MTHFD1L: variants seen among roughly 807,000 people sequenced by gnomAD.
MTHFD1L encodes methylenetetrahydrofolate dehydrogenase (NADP+ dependent) 1 like.
In MTHFD1L, 81 loss-of-function variants were observed where a neutral mutation model predicts 119.5. That is an observed-to-expected ratio of 0.68 (90% CI 0.57 to 0.82). The LOEUF is 0.82. Ranked by LOEUF, MTHFD1L falls within the 40% of genes least tolerant of loss-of-function variation. MTHFD1L has a pLI of 0.00. For missense variants in MTHFD1L, 1,125 were observed against 1,253.4 expected (o/e 0.90, Z 1.55); for synonymous variants, 430 against 475.2 (o/e 0.90, Z 1.24).
chr6:150,983,703 T>G (rs1031325494), intron 20 of MTHFD1L, among the ~76,000 whole-genome samples: 5 of 152,220 alleles, frequency 3.3e-5, no homozygotes, highest in African/African-American at 1.2e-4. Flanking sequence ...TTACGTTCAA[T>G]TCCAAGCAGT....
chr6:150,909,958 A>G (rs992045703), intron 8 of MTHFD1L, among the ~76,000 whole-genome samples: 28 of 152,104 alleles, frequency 1.8e-4, no homozygotes, highest in African/African-American at 6.5e-4. Context: ...AGGCCAGTGG[A>G]TCACTTGAAG....
intron 2 of MTHFD1L, among the ~76,000 whole-genome samples, chr6:150,876,949 ATAGAAAGAAAAT>A (rs1780555034): frequency 6.6e-6 from 1 of 152,236 alleles, no homozygotes; most frequent in African/African-American, 2.4e-5. Flanking sequence ...AGTTAGAACA[ATAGAAAGAAAAT>A]TAGATTAGGG....
At chr6:150,907,068 A>C (rs1024838878) in intron 8 of MTHFD1L, among the ~76,000 whole-genome samples, 2 of 150,052 alleles carry the variant, frequency 1.3e-5, no homozygotes, top group African/African-American at 4.9e-5. Flanking sequence ...TCCTCTGTTC[A>C]GCATCCCAGT....
At chr6:150,872,195 T>C (rs1779665569) in intron 1 of MTHFD1L, among the ~76,000 whole-genome samples, 1 of 152,118 alleles carries the variant, frequency 6.6e-6, no homozygotes, top group Non-Finnish European at 1.5e-5. Context: ...TGTTTTCTTA[T>C]CATTTGTGTA....
At chr6:150,964,036 G>A (rs992256906) in intron 18 of MTHFD1L, among the ~76,000 whole-genome samples, 1 of 152,212 alleles carries the variant, frequency 6.6e-6, no homozygotes, top group Admixed American at 6.5e-5. Flanking sequence ...GTGTGTGGTG[G>A]TGCATGCCTG....
intron 17 of MTHFD1L, among the ~76,000 whole-genome samples, chr6:150,957,700 C>G (rs1436741395): frequency 1.3e-5 from 2 of 152,082 alleles, no homozygotes; most frequent in Non-Finnish European, 2.9e-5. Context: ...GTATGGGTGT[C>G]TTGACATGAG....
intron 20 of MTHFD1L, among the ~76,000 whole-genome samples, chr6:150,985,711 A>G (rs192693905): frequency 6.6e-5 from 10 of 151,748 alleles, no homozygotes; most frequent in Admixed American, 5.9e-4. Flanking sequence ...CTCTCCTTTG[A>G]ATTAAGGTAA....
rs751270773 is a variant in MTHFD1L at position 150,971,970 on chromosome 6, G to A, written c.2037G>A (p.Ala679=). Residue 679 remains alanine, a synonymous_variant, in exon 20 of 28, where the codon GCG becomes GCA. Transcript: ENST00000367321. ...TLEGTPVFVH[A]GPFANIAHGN... ...AGGGGACACCTGTGTTCGTGCATGC[G>A]GGCCCTTTTGCTAACATTGCTCACG... 31 of 1,613,892 alleles carry A rather than the reference G, an allele frequency of 1.9e-5. No individual in the cohort carries two copies. Among genetic ancestry groups the A allele is most frequent in the Middle Eastern group, 1.6e-4 (1 of 6,084 alleles).
At chr6:151,091,460 AG>A (rs1235626248) in intron 26 of MTHFD1L, among the ~76,000 whole-genome samples, 3 of 152,084 alleles carry the variant, frequency 2.0e-5, no homozygotes, top group Non-Finnish European at 4.4e-5. Flanking sequence ...CCCAGCACAC[AG>A]GGGGCTTCTG....
chr6:151,015,286 T>C (rs1782883411), intron 23 of MTHFD1L, among the ~76,000 whole-genome samples: 1 of 151,446 alleles, frequency 6.6e-6, no homozygotes, highest in Admixed American at 6.6e-5. Flanking sequence ...GGATATGTTA[T>C]GGAATTTTCT....
At chr6:150,900,575 C>A (rs1483846202) in intron 7 of MTHFD1L, among the ~76,000 whole-genome samples, 1 of 152,160 alleles carries the variant, frequency 6.6e-6, no homozygotes, top group Non-Finnish European at 1.5e-5. Flanking sequence ...CCTGCAGACG[C>A]CTCCTCCAGG....
chr6:150,941,572 G>C (rs1031638331), intron 13 of MTHFD1L, among the ~76,000 whole-genome samples: 1 of 152,196 alleles, frequency 6.6e-6, no homozygotes, highest in Non-Finnish European at 1.5e-5. Context: ...GGGCAGTGAG[G>C]ATGGAAAAGA....
chr6:151,045,704 C>G (rs1007150367), intron 26 of MTHFD1L, among the ~76,000 whole-genome samples: 5 of 152,170 alleles, frequency 3.3e-5, no homozygotes, highest in Admixed American at 3.3e-4. Context: ...CTCCTCCCCT[C>G]CCAGCATGAG....
At chr6:151,050,379 C>T (rs1217458267) in intron 26 of MTHFD1L, among the ~76,000 whole-genome samples, 1 of 152,182 alleles carries the variant, frequency 6.6e-6, no homozygotes, top group African/African-American at 2.4e-5. Context: ...CCAGGCTGGT[C>T]TTGAACTCCT....
rs374892237 is a variant in MTHFD1L at position 150,880,999 on chromosome 6, G to A, written c.418-1763G>A. Among the ~76,000 whole-genome samples the A allele has an allele frequency of 4.6e-5, 7 of 151,996 alleles. No homozygotes were observed. In the South Asian group the frequency reaches 6.2e-4, roughly 14 times the overall value. On this transcript the variant is annotated intron_variant, in intron 4 of 27. Coordinates refer to ENST00000367321, the MANE Select transcript of MTHFD1L (RefSeq NM_015440.5). ...ATATTCTGGATGTTAACCCCTTGTC[G>A]GACGCATACTTTGCAAATATTTTCT...
intron 8 of MTHFD1L, among the ~76,000 whole-genome samples, chr6:150,913,311 C>A (rs529399016): frequency 6.8e-6 from 1 of 146,354 alleles, no homozygotes; most frequent in African/African-American, 2.6e-5. Context: ...AAGGCGCCCG[C>A]CACCACGCCC....
intron 26 of MTHFD1L, among the ~76,000 whole-genome samples, chr6:151,058,709 G>A (rs890778844): frequency 3.9e-5 from 6 of 152,226 alleles, no homozygotes; most frequent in Non-Finnish European, 8.8e-5. Flanking sequence ...GCCTGGCCAT[G>A]TGAGTCTTGT....
intron 20 of MTHFD1L, among the ~76,000 whole-genome samples, chr6:150,990,742 A>G (rs907528458): frequency 6.6e-6 from 1 of 152,194 alleles, no homozygotes; most frequent in African/African-American, 2.4e-5. Context: ...GATTACAGGC[A>G]TGAGCCACTG....
In MTHFD1L at chr6:150,922,643, CACCCT is replaced by C. The variant is rs1428251652; in HGVS notation, c.1082+342_1082+346del. Reference sequence around the variant, plus strand: ...ATTTAATGGCAGTGTTTTCCCCCCCCACCCTTTTTTTTTTTTTTGAGATGGAGTCT... The same window carrying C: ...ATTTAATGGCAGTGTTTTCCCCCCCCTTTTTTTTTTTTTGAGATGGAGTCT... On this transcript the variant is annotated intron_variant, in intron 10 of 27. Coordinates refer to ENST00000367321, the MANE Select transcript of MTHFD1L (RefSeq NM_015440.5). Among the ~76,000 whole-genome samples, 41 of 85,962 alleles carry C rather than the reference CACCCT, an allele frequency of 4.8e-4. No homozygotes were observed. The Admixed American group carries it at 4.8e-3, about 10-fold the overall frequency. 56.4% of individuals were successfully genotyped at this position (85,962 alleles called of 152,430 possible).
Sources: gnomAD v4.1 joint callset for allele counts (sites outside exome capture counted in the v4.1 genomes callset) on GRCh38, gnomAD v4.1.1 for gene constraint, MANE v1.5 for transcripts, NCBI Gene and HGNC (gene_info 2026-07-23, HGNC 2026-07-21) for gene names.